MACROD2: variants seen among roughly 807,000 people sequenced by gnomAD.
The protein encoded by MACROD2 is mono-ADP ribosylhydrolase 2.
A neutral mutation model predicts 70.4 loss-of-function variants in MACROD2; 36 were observed. That is an observed-to-expected ratio of 0.51 (90% CI 0.39 to 0.68). The LOEUF is 0.68. Ranked by LOEUF, MACROD2 falls within the 30% of genes least tolerant of loss-of-function variation. The probability of loss-of-function intolerance (pLI) is 0.00; values close to 1 mark genes in which losing one functional copy is unlikely to be tolerated. For synonymous variants in MACROD2, 172 were observed against 178.8 expected (o/e 0.96, Z 0.30); for missense variants, 496 against 538.4 (o/e 0.92, Z 0.78).
chr20:15,034,692 C>G (rs2075300110), intron 5 of MACROD2, among the ~76,000 whole-genome samples: 1 of 152,072 alleles, frequency 6.6e-6, no homozygotes, highest in Non-Finnish European at 1.5e-5. Context: ...AAAATAAATA[C>G]TCATAGGCAC....
intron 4 of MACROD2, among the ~76,000 whole-genome samples, chr20:14,596,217 C>T (rs990327057): frequency 6.8e-6 from 1 of 147,072 alleles, no homozygotes; most frequent in Non-Finnish European, 1.5e-5. Context: ...TCCCGAGTAG[C>T]TGGGACTACA....
chr20:15,255,017 T>A (rs73101205), intron 6 of MACROD2, among the ~76,000 whole-genome samples: 16,406 of 147,626 alleles, frequency 0.11, 1,162 homozygotes, highest in African/African-American at 0.19. Flanking sequence ...CTGGAGCTCC[T>A]GGGGATACAT....
chr20:14,239,063 C>T (rs963556216), intron 3 of MACROD2, among the ~76,000 whole-genome samples: 7 of 149,240 alleles, frequency 4.7e-5, no homozygotes, highest in Non-Finnish European at 8.9e-5. Context: ...AATCAGCAGC[C>T]TTCCTATACA....
intron 3 of MACROD2, among the ~76,000 whole-genome samples, chr20:14,461,624 T>C (rs2084372994): frequency 6.6e-6 from 1 of 151,976 alleles, no homozygotes; most frequent in South Asian, 2.1e-4. Flanking sequence ...TCATTTAGCA[T>C]TAGGTATATC....
intron 3 of MACROD2, among the ~76,000 whole-genome samples, chr20:14,429,512 C>T (rs1175993472): frequency 6.6e-6 from 1 of 152,162 alleles, no homozygotes; most frequent in Non-Finnish European, 1.5e-5. Context: ...GAGAAAGCTT[C>T]AAGGAGAAAT....
At chr20:14,072,440 C>A (rs116579633) in intron 2 of MACROD2, among the ~76,000 whole-genome samples, 2 of 121,618 alleles carry the variant, frequency 1.6e-5, no homozygotes, top group South Asian at 2.6e-4. Flanking sequence ...TTCTTACCTG[C>A]GGAGCATGTT....
In MACROD2 at chr20:16,049,998, TTACTC is replaced by T. The variant is rs1003697148; in HGVS notation, c.*125_*129del. On this transcript the variant is annotated 3_prime_UTR_variant, in exon 18 of 18. Transcript: ENST00000684519. ...GTCCCATGGAAGGACGGGGAATCCTTTACTCTAATTTCTCCAGCTGCATTTTGTTC... is the reference window on the plus strand; with the variant it reads ...GTCCCATGGAAGGACGGGGAATCCTTTAATTTCTCCAGCTGCATTTTGTTC... 13 of 707,056 alleles carry T rather than the reference TTACTC, an allele frequency of 1.8e-5. 1 individual carries two copies. The highest frequency in any genetic ancestry group is 1.6e-4 in the African/African-American group (9 of 54,868). The allele number at this position is 707,056 out of a possible 1,614,324, so 43.8% of individuals were successfully genotyped here. A position where few individuals can be genotyped will look rare whatever the true frequency, so the allele number is the denominator to read the frequency against.
intron 4 of MACROD2, among the ~76,000 whole-genome samples, chr20:14,554,006 G>A (rs932393634): frequency 6.6e-6 from 1 of 152,044 alleles, no homozygotes; most frequent in South Asian, 2.1e-4. Flanking sequence ...TTCTTGAATG[G>A]GCCATTTCCC....
intron 3 of MACROD2, among the ~76,000 whole-genome samples, chr20:14,279,566 T>A (rs1241049112): frequency 7.9e-5 from 12 of 152,240 alleles, no homozygotes; most frequent in Non-Finnish European, 1.8e-4. Flanking sequence ...GATTTGCTTC[T>A]ATTTTTGCAG....
rs565915189 is a variant in MACROD2 at position 15,495,586 on chromosome 20, A to C, written c.572-4188A>C. 2.6e-5 allele frequency among the ~76,000 whole-genome samples: 4 copies of C among 152,270 alleles called. No homozygotes were observed. In the East Asian group the frequency reaches 7.7e-4, roughly 29 times the overall value. On this transcript the variant is annotated intron_variant, in intron 7 of 17. Coordinates refer to ENST00000684519, the MANE Select transcript of MACROD2 (RefSeq NM_001351661.2). ...CAGGAGTGAGCCTTTTCCTGTTGTC[A>C]ATATGTACAAAGATCCACAAGTCTG...
At chr20:14,270,587 C>CAAA (rs11480264) in intron 3 of MACROD2, among the ~76,000 whole-genome samples, 12 of 124,796 alleles carry the variant, frequency 9.6e-5, no homozygotes, top group Non-Finnish European at 9.7e-5. Context: ...GACTCCATCT[C>CAAA]AAAAAAAAAA....
At chr20:14,977,096 C>T (rs996086639) in intron 5 of MACROD2, among the ~76,000 whole-genome samples, 2 of 151,934 alleles carry the variant, frequency 1.3e-5, no homozygotes, top group African/African-American at 2.4e-5. Flanking sequence ...ACTATGGTTC[C>T]CCAAATCATA....
chr20:15,435,582 A>T (rs1223387344), intron 7 of MACROD2, among the ~76,000 whole-genome samples: 5 of 152,130 alleles, frequency 3.3e-5, no homozygotes, highest in Admixed American at 3.3e-4. Context: ...AATTGTTGCC[A>T]ATTTACTGAG....
intron 7 of MACROD2, among the ~76,000 whole-genome samples, chr20:15,470,670 C>A (rs748064118): frequency 1.4e-4 from 22 of 152,148 alleles, no homozygotes; most frequent in Non-Finnish European, 2.9e-4. Context: ...CTGTGGTGGT[C>A]CAGGGCTGTT....
At chr20:14,337,438 G>A (rs912128579) in intron 3 of MACROD2, 1 of 388,734 alleles carries the variant, frequency 2.6e-6, no homozygotes, top group African/African-American at 2.1e-5. Context: ...TATATACACT[G>A]CCGCTATAGC....
At chr20:15,016,392 C>G (rs751576417) in intron 5 of MACROD2, among the ~76,000 whole-genome samples, 3 of 152,058 alleles carry the variant, frequency 2.0e-5, no homozygotes, top group South Asian at 2.1e-4. Flanking sequence ...CTGCTACAGT[C>G]GATCCTGATA....
chr20:15,501,442 C>T (rs188077655), intron 8 of MACROD2, among the ~76,000 whole-genome samples: 2 of 152,312 alleles, frequency 1.3e-5, no homozygotes, highest in East Asian at 3.9e-4. Context: ...ATGTTGGTCA[C>T]AGGTACATCT....
intron 10 of MACROD2, among the ~76,000 whole-genome samples, chr20:15,911,097 A>C (rs1257334014): frequency 2.0e-5 from 3 of 152,062 alleles, no homozygotes; most frequent in African/African-American, 7.2e-5. Context: ...GATTGGCTAG[A>C]CTCTGATCTA....
At chr20:14,012,316 A>G (rs1307151299) in intron 2 of MACROD2, among the ~76,000 whole-genome samples, 6 of 152,230 alleles carry the variant, frequency 3.9e-5, no homozygotes, top group African/African-American at 1.4e-4. Flanking sequence ...TTAAGTTGTC[A>G]TATAATGACT....
Sources: allele counts gnomAD v4.1 joint callset (sites outside exome capture counted in the v4.1 genomes callset), GRCh38; gene constraint gnomAD v4.1.1; transcripts MANE v1.5; gene names NCBI Gene and HGNC (gene_info 2026-07-23, HGNC 2026-07-21).